GPHN: variants seen among roughly 807,000 people sequenced by gnomAD.
GPHN encodes gephyrin.
In GPHN, 17 loss-of-function variants were observed where a neutral mutation model predicts 95.5. The ratio of observed to expected loss-of-function variants is 0.18; its 90% confidence interval spans 0.12 to 0.27. GPHN has a LOEUF of 0.27. Ranked by LOEUF, GPHN falls within the 10% of genes least tolerant of loss-of-function variation. The pLI, the probability that GPHN is intolerant of heterozygous loss-of-function variation, is 1.00. For synonymous variants in GPHN, 320 were observed against 322.5 expected (o/e 0.99, Z 0.08); for missense variants, 660 against 978.1 (o/e 0.67, Z 4.34).
chr14:66,707,940 A>G (rs2069247566), intron 2 of GPHN, among the ~76,000 whole-genome samples: 1 of 152,124 alleles, frequency 6.6e-6, no homozygotes, highest in Non-Finnish European at 1.5e-5. Flanking sequence ...AATATTCAAA[A>G]TCCTCTCTTC....
intron 2 of GPHN, among the ~76,000 whole-genome samples, chr14:66,683,656 A>G (rs1423120044): frequency 6.7e-6 from 1 of 148,694 alleles, no homozygotes; most frequent in Non-Finnish European, 1.5e-5. Context: ...AATAGGAAGT[A>G]TATCAGAAAT....
chr14:67,479,563 C>T, the GPHN span, among the ~76,000 whole-genome samples: 3 of 151,834 alleles, frequency 2.0e-5, no homozygotes, highest in East Asian at 3.9e-4. Context: ...ACTAAAAATA[C>T]AAAAATTAGC....
chr14:67,519,710 G>GT, the GPHN span, among the ~76,000 whole-genome samples: 11 of 89,056 alleles, frequency 1.2e-4, no homozygotes, highest in Admixed American at 1.4e-3. Context: ...GGCCCTGTAA[G>GT]TTTGTTTTTT....
At chr14:67,572,864 C>G in the GPHN span, among the ~76,000 whole-genome samples, 1 of 152,222 alleles carries the variant, frequency 6.6e-6, no homozygotes, top group Non-Finnish European at 1.5e-5. Flanking sequence ...TTGCCCAGAC[C>G]TGCCTTGCCC....
the GPHN span, among the ~76,000 whole-genome samples, chr14:67,405,509 G>A: frequency 6.0e-3 from 911 of 152,232 alleles, 8 homozygotes; most frequent in African/African-American, 0.02. Context: ...AAAGTTCCAG[G>A]ACAGATGACT....
rs114949410 is a variant in GPHN, at chr14:66,813,889, C to T, written c.202-10585C>T. On this transcript the variant is annotated intron_variant, in intron 3 of 22. Transcript: ENST00000478722. The stretch of plus-strand genomic sequence containing the variant: ...GTCTTGAGGTCCCTGGGTACCCACG[C>T]CGTAGCTTCAACACTGATGGACCAT... 7.0e-3 allele frequency among the ~76,000 whole-genome samples: 1,070 copies of T among 152,238 alleles called. 4 individuals are homozygous for T. The highest frequency in any genetic ancestry group is 0.025 in the African/African-American group (1,022 of 41,542).
chr14:67,336,997 G>A, the GPHN span, among the ~76,000 whole-genome samples: 1 of 152,168 alleles, frequency 6.6e-6, no homozygotes, highest in Non-Finnish European at 1.5e-5. Flanking sequence ...CTTAAATTCT[G>A]GATTTGCTAC....
intron 11 of GPHN, among the ~76,000 whole-genome samples, chr14:67,075,938 T>G (rs528968585): frequency 1.3e-5 from 2 of 152,308 alleles, no homozygotes; most frequent in Non-Finnish European, 2.9e-5. Context: ...GAATATTACA[T>G]AAACTTAGTT....
chr14:66,829,661 G>A (rs942362215), intron 4 of GPHN, among the ~76,000 whole-genome samples: 3 of 152,172 alleles, frequency 2.0e-5, no homozygotes, highest in Non-Finnish European at 4.4e-5. Context: ...GCACTAAGCT[G>A]TATTGAATTA....
the GPHN span, among the ~76,000 whole-genome samples, chr14:67,468,615 C>T: frequency 9.9e-5 from 15 of 152,224 alleles, no homozygotes; most frequent in Non-Finnish European, 1.6e-4. Context: ...GAAAGGCAGG[C>T]GCCCACTGAC....
At chr14:67,630,860 G>C in the GPHN span, among the ~76,000 whole-genome samples, 1 of 152,220 alleles carries the variant, frequency 6.6e-6, no homozygotes, top group East Asian at 1.9e-4. Flanking sequence ...TGGGATTACA[G>C]GTGTGAGCCA....
At chr14:66,561,783 T>C (rs2060258970) in intron 1 of GPHN, among the ~76,000 whole-genome samples, 1 of 152,174 alleles carries the variant, frequency 6.6e-6, no homozygotes, top group African/African-American at 2.4e-5. Context: ...AAAAATTTGT[T>C]ATTATGTAGT....
intron 10 of GPHN, among the ~76,000 whole-genome samples, chr14:67,045,178 C>T (rs896771510): frequency 6.6e-5 from 10 of 152,168 alleles, no homozygotes; most frequent in South Asian, 4.1e-4. Flanking sequence ...TGTATTTCCC[C>T]GTGTCCTAAA....
intron 18 of GPHN, among the ~76,000 whole-genome samples, chr14:67,154,622 G>T (rs914027190): frequency 8.6e-5 from 13 of 151,794 alleles, no homozygotes; most frequent in African/African-American, 2.9e-4. Flanking sequence ...GATATATATA[G>T]ATATATATAA....
intron 4 of GPHN, among the ~76,000 whole-genome samples, chr14:66,825,517 C>G (rs8015293): frequency 0.012 from 1,847 of 152,084 alleles, 45 homozygotes; most frequent in African/African-American, 0.039. Flanking sequence ...TGCTTGACCC[C>G]CCACCCCTAG....
intron 15 of GPHN, 41 bp from the exon 16 acceptor site, chr14:67,112,977 T>C: frequency 1.9e-6 from 3 of 1,597,252 alleles, no homozygotes; most frequent in Non-Finnish European, 1.7e-6. Context: ...GAAAATGTTG[T>C]TCTCTAATCA....
intron 2 of GPHN, among the ~76,000 whole-genome samples, chr14:66,682,171 A>C (rs1460583479): frequency 6.6e-6 from 1 of 152,206 alleles, no homozygotes; most frequent in Non-Finnish European, 1.5e-5. Context: ...TGAGTTCAGA[A>C]TGCATTTCCA....
At chr14:67,348,984 T>A in the GPHN span, 1 of 1,553,430 alleles carries the variant, frequency 6.4e-7, no homozygotes, top group Non-Finnish European at 8.9e-7. Flanking sequence ...AGGTTAATTT[T>A]AAAATGTCAC....
At chr14:67,601,199 C>T in the GPHN span, among the ~76,000 whole-genome samples, 7,828 of 152,104 alleles carry the variant, frequency 0.051, 375 homozygotes, top group African/African-American at 0.13. Flanking sequence ...ACAAGGGTGA[C>T]GAGCCAGACA....
Sources: allele counts gnomAD v4.1 joint callset (sites outside exome capture counted in the v4.1 genomes callset), GRCh38; gene constraint gnomAD v4.1.1; transcripts MANE v1.5; gene names NCBI Gene and HGNC (gene_info 2026-07-23, HGNC 2026-07-21).